DISP3: variants seen among roughly 807,000 people sequenced by gnomAD.
The protein encoded by DISP3 is dispatched RND transporter family member 3, also known as protein dispatched homolog 3.
Under a neutral mutation model 135.3 loss-of-function variants are expected in DISP3, and 101 were observed. That is an observed-to-expected ratio of 0.75 (90% CI 0.64 to 0.88). DISP3 has a LOEUF of 0.88. DISP3 is among the 40% of genes least tolerant of loss of function. The probability of loss-of-function intolerance (pLI) is 0.00; values close to 1 mark genes in which losing one functional copy is unlikely to be tolerated. For missense variants in DISP3, 1,713 were observed against 1,878.6 expected (o/e 0.91, Z 1.63); for synonymous variants, 856 against 817.0 (o/e 1.05, Z -0.81).
chr1:11,507,725 A>G (rs1286397663), intron 3 of DISP3, among the ~76,000 whole-genome samples: 2 of 152,212 alleles, frequency 1.3e-5, no homozygotes, highest in Non-Finnish European at 2.9e-5. Context: ...CATCACAGAT[A>G]GTTTCTGAAT....
chr1:11,511,238 A>G (rs1227676119), intron 3 of DISP3, among the ~76,000 whole-genome samples: 1 of 152,212 alleles, frequency 6.6e-6, no homozygotes, highest in African/African-American at 2.4e-5. Flanking sequence ...CCAAAGTCTT[A>G]ACTCATTTCA....
At position 11,501,997 on chromosome 1, in the gene DISP3, C is replaced by G; in HGVS notation, c.1005C>G (p.Pro335=). 2 of 1,613,630 alleles carry G rather than the reference C, an allele frequency of 1.2e-6. No individual in the cohort carries two copies. The highest frequency in any genetic ancestry group is 1.7e-6 in the Non-Finnish European group (2 of 1,179,852). Residue 335 remains proline (P), a synonymous_variant, in exon 2 of 21, where the codon CCC becomes CCG. Coordinates refer to ENST00000294484, the MANE Select transcript of DISP3 (RefSeq NM_020780.2). This position sits in a 1 kb window ranked among gnomAD's most constrained non-coding sequence, Gnocchi z 4.9. ...LPLGSYSYCS[P]PSSLMTYFFP... ...TGGGCTCCTACTCCTACTGCTCGCC[C>G]CCCAGCTCGCTCATGACCTACTTTT...
chr1:11,517,746 C>T (rs936514335), intron 7 of DISP3, 144 bp downstream of exon 7: 2 of 1,119,130 alleles, frequency 1.8e-6, no homozygotes, highest in African/African-American at 3.1e-5. Flanking sequence ...AAGATGCTTC[C>T]ATCCAATAAC....
At chr1:11,527,863 C>G (rs1642468510) in intron 13 of DISP3, among the ~76,000 whole-genome samples, 1 of 152,120 alleles carries the variant, frequency 6.6e-6, no homozygotes, top group South Asian at 2.1e-4. Context: ...AGAGGCTGTC[C>G]CTCTCCAAGT....
Position 11,531,146 on chromosome 1 carries a change from G to A in DISP3, c.3229+113G>A, listed in dbSNP as rs1223789142. ...GAAGGACAGTGTCTGGCATGTGGGG[G>A]TCTTTTGCAGATGTGTATCTGTGCT... On this transcript the variant is annotated intron_variant, in intron 16 of 20. Coordinates refer to ENST00000294484, the MANE Select transcript of DISP3 (RefSeq NM_020780.2). The surrounding 1 kb of genome is among the most constrained non-coding windows in gnomAD (Gnocchi z 5.2). 3.3e-6 allele frequency: 5 copies of A among 1,493,376 alleles called. No individual in the cohort carries two copies. In the African/African-American group the frequency reaches 5.5e-5, roughly 16 times the overall value. The allele number at this position is 1,493,376 out of a possible 1,614,324, so 92.5% of individuals were successfully genotyped here.
rs114412388 is a variant in DISP3, at chr1:11,533,760, A to G, written c.3376-621A>G. 1.3e-3 allele frequency: 765 copies of G among 599,984 alleles called. 4 individuals carry two copies. In the African/African-American group the frequency reaches 0.016, roughly 13 times the overall value. 37.2% of individuals were successfully genotyped at this position (599,984 alleles called of 1,614,324 possible). A position where few individuals can be genotyped will look rare whatever the true frequency, so the allele number is the denominator to read the frequency against. Reference sequence around the variant, plus strand: ...ATGCACACACACACGCAGACCTACTATGAACTGGCTTGTGCTCAGCAAGAG... The same window carrying G: ...ATGCACACACACACGCAGACCTACTGTGAACTGGCTTGTGCTCAGCAAGAG... On this transcript the variant is annotated intron_variant, in intron 17 of 20. Transcript: ENST00000294484.
chr1:11,531,460 C>G lies in DISP3; in HGVS notation c.3230-105C>G. On this transcript the variant is annotated intron_variant, in intron 16 of 20. Transcript: ENST00000294484. This position sits in a 1 kb window ranked among gnomAD's most constrained non-coding sequence, Gnocchi z 5.2. ...CAATGCCGTTGCCAATGGTTACAAG[C>G]ACTCTAAGCCTCAGAGGTATGTGAG... The G allele has an allele frequency of 6.6e-7, 1 of 1,510,914 alleles. No homozygotes were observed. Among genetic ancestry groups the G allele is most frequent in the South Asian group, 1.2e-5 (1 of 85,588 alleles). 93.6% of individuals were successfully genotyped at this position (1,510,914 alleles called of 1,614,324 possible).
chr1:11,497,235 T>C (rs965825416), intron 1 of DISP3, among the ~76,000 whole-genome samples: 1 of 152,152 alleles, frequency 6.6e-6, no homozygotes, highest in African/African-American at 2.4e-5. Context: ...CATAGGTTAT[T>C]GGGGTACAGG....
At chr1:11,498,180 T>C (rs952272411) in intron 1 of DISP3, among the ~76,000 whole-genome samples, 2 of 152,152 alleles carry the variant, frequency 1.3e-5, no homozygotes, top group African/African-American at 4.8e-5. Flanking sequence ...CATCCCAGAG[T>C]GCAGAGATGT....
Position 11,524,028 on chromosome 1 carries a change from G to A in DISP3, c.2449G>A (p.Ala817Thr), listed in dbSNP as rs777748536. ...GAGGCGAGGCTCAGGGGTCCCCTGG[G>A]CTAGCCGGCCTGAGGCCACCCTGCA... ...KKRRGSGVPW[A>T]SRPEATLQDF... The change falls in exon 11 of 21, where the codon GCT becomes ACT. Residue 817 changes from alanine to threonine, a missense_variant. Coordinates refer to ENST00000294484, the MANE Select transcript of DISP3 (RefSeq NM_020780.2). 6.2e-6 allele frequency: 10 copies of A among 1,613,130 alleles called. No homozygotes were observed. The highest frequency in any genetic ancestry group is 1.7e-5 in the Admixed American group (1 of 60,000).
intron 3 of DISP3, 141 bp downstream of exon 3, chr1:11,503,038 A>G: frequency 1.4e-6 from 1 of 729,026 alleles, no homozygotes. Context: ...AACCAAGTAC[A>G]TCCTTGCAGT....
At chr1:11,493,964 T>C (rs1641260460) in intron 1 of DISP3, among the ~76,000 whole-genome samples, 1 of 152,196 alleles carries the variant, frequency 6.6e-6, no homozygotes, top group Non-Finnish European at 1.5e-5. Flanking sequence ...GAGTGATCTG[T>C]GGTCTTATGG....
intron 3 of DISP3, among the ~76,000 whole-genome samples, chr1:11,506,864 T>C (rs1641718922): frequency 6.6e-6 from 1 of 152,176 alleles, no homozygotes; most frequent in Non-Finnish European, 1.5e-5. Context: ...TGCAGTGGCA[T>C]GGTTATAGCT....
At chr1:11,525,340 C>G (rs201955627) in intron 12 of DISP3, 28 bp downstream of exon 12, 1 of 1,600,684 alleles carries the variant, frequency 6.2e-7, no homozygotes, top group Non-Finnish European at 8.5e-7. Flanking sequence ...TGAAGTGAGC[C>G]GCCACCACTG....
rs1452390190 is a variant in DISP3 at position 11,483,121 on chromosome 1, C to G, written c.-4+3749C>G. Among the ~76,000 whole-genome samples the G allele has an allele frequency of 1.3e-5, 2 of 152,248 alleles. No individual in the cohort carries two copies. Among genetic ancestry groups the G allele is most frequent in the African/African-American group, 4.8e-5 (2 of 41,464 alleles). On this transcript the variant is annotated intron_variant, in intron 1 of 20. Coordinates refer to ENST00000294484, the MANE Select transcript of DISP3 (RefSeq NM_020780.2). The surrounding 1 kb of genome is among the most constrained non-coding windows in gnomAD (Gnocchi z 5.4). ...TCCAGGGATGGCGGCAGAGCCTCCC[C>G]CAGTGAGCTCACTCTCTGCCTGGCC...
At position 11,520,765 on chromosome 1, in the gene DISP3, TC is replaced by T. The variant is rs1194605914; in HGVS notation, c.2281del (p.Arg761GlyfsTer16). 1 of 1,613,440 alleles carries T rather than the reference TC, an allele frequency of 6.2e-7. No homozygotes were observed. Among genetic ancestry groups the T allele is most frequent in the East Asian group, 2.2e-5 (1 of 44,884 alleles). On this transcript the variant is annotated frameshift_variant, in exon 10 of 21. Transcript: ENST00000294484. LOFTEE classifies it high-confidence loss of function. This position sits in a 1 kb window ranked among gnomAD's most constrained non-coding sequence, Gnocchi z 4.8. ...LRPASRAPLL[F>X]RPDTNIQVLL... ...CCCGCCAGCCGGGCCCCGCTACTCTTCCGGCCTGATACCAACATCCAGGTGC... is the reference window on the plus strand; with the variant it reads ...CCCGCCAGCCGGGCCCCGCTACTCTTCGGCCTGATACCAACATCCAGGTGC...
In DISP3 at chr1:11,530,993, C is replaced by G. The variant is rs202188093; in HGVS notation, c.3189C>G (p.Ser1063=). Residue 1063 remains serine, a synonymous_variant, in exon 16 of 21, where the codon TCC becomes TCG. Coordinates refer to ENST00000294484, the MANE Select transcript of DISP3 (RefSeq NM_020780.2). ...TCTGCAAGGCCATCGCAGCCAACTCCGAGCTGGTGAAGCCGGGTGGGGCCC... is the reference window on the plus strand; with the variant it reads ...TCTGCAAGGCCATCGCAGCCAACTCGGAGCTGGTGAAGCCGGGTGGGGCCC... The part of the protein sequence containing the change: ...CHLCKAIAAN[S]ELVKPGGAQC... The G allele has an allele frequency of 1.0e-4, 167 of 1,613,828 alleles. No individual in the cohort carries two copies. Among genetic ancestry groups the G allele is most frequent in the Non-Finnish European group, 1.2e-4 (137 of 1,179,996 alleles).
chr1:11,519,942 C>A lies in DISP3; in HGVS notation c.2200+62C>A. On this transcript the variant is annotated intron_variant, in intron 9 of 20. Transcript: ENST00000294484. This position sits in a 1 kb window ranked among gnomAD's most constrained non-coding sequence, Gnocchi z 4.3. ...GCTCCACCCCCAAAACACACAGGAA[C>A]TGGGAGCCCACCCCCTCTCGCAGAT... 1 of 1,514,550 alleles carries A rather than the reference C, an allele frequency of 6.6e-7. No homozygotes were observed. The allele number at this position is 1,514,550 out of a possible 1,614,324, so 93.8% of individuals were successfully genotyped here.
chr1:11,519,667 C>T lies in DISP3; in HGVS notation c.2039-52C>T. 5 of 1,593,394 alleles carry T rather than the reference C, an allele frequency of 3.1e-6. No homozygotes were observed. The highest frequency in any genetic ancestry group is 4.3e-6 in the Non-Finnish European group (5 of 1,168,706). Reference sequence around the variant, plus strand: ...GGGCTTCCCTGGAAGCGAGCGTGGACCACAGTGGGCTTTGATTCAGGCTCT... The same window carrying T: ...GGGCTTCCCTGGAAGCGAGCGTGGATCACAGTGGGCTTTGATTCAGGCTCT... On this transcript the variant is annotated intron_variant, in intron 8 of 20. Coordinates refer to ENST00000294484, the MANE Select transcript of DISP3 (RefSeq NM_020780.2). The surrounding 1 kb of genome is among the most constrained non-coding windows in gnomAD (Gnocchi z 4.3).
Sources: gnomAD v4.1 joint callset for allele counts (sites outside exome capture counted in the v4.1 genomes callset) on GRCh38, gnomAD v4.1.1 for gene constraint, Gnocchi (gnomAD v3.1) non-coding constraint, MANE v1.5 for transcripts, NCBI Gene and HGNC (gene_info 2026-07-23, HGNC 2026-07-21) for gene names.